The following AXL variants were observed in gnomAD, a reference collection of about 807,000 sequenced individuals.
AXL encodes the protein AXL receptor tyrosine kinase, also known as tyrosine-protein kinase receptor UFO.
Under a neutral mutation model 104.5 loss-of-function variants are expected in AXL, and 52 were observed. The observed-to-expected ratio is 0.50, with a 90% CI of 0.40 to 0.63. The LOEUF (loss-of-function observed/expected upper bound fraction) is 0.63. Among genes scored for constraint, AXL ranks in the 20% least tolerant of loss-of-function variants. The pLI is 0.00. For synonymous variants in AXL, 455 were observed against 473.7 expected (o/e 0.96, Z 0.51); for missense variants, 1,024 against 1,188.5 (o/e 0.86, Z 2.04).
chr19:41,241,174 C>G (rs941256820), intron 10 of AXL, among the ~76,000 whole-genome samples: 1 of 152,168 alleles, frequency 6.6e-6, no homozygotes, highest in African/African-American at 2.4e-5. Flanking sequence ...CCAACTTTTC[C>G]AGCAGCCATC....
At chr19:41,224,173 C>G (rs2033839974) in intron 4 of AXL, among the ~76,000 whole-genome samples, 1 of 151,878 alleles carries the variant, frequency 6.6e-6, no homozygotes. Context: ...GTGTTCACAG[C>G]TGGGACTCAC....
chr19:41,252,751 T>C, intron 15 of AXL, 95 bp from the exon 16 acceptor site: 1 of 1,577,474 alleles, frequency 6.3e-7, no homozygotes, highest in Non-Finnish European at 8.6e-7. Context: ...CCAGATTGGA[T>C]GGGTAGTGAG....
chr19:41,222,348 C>T (rs1160961266), intron 4 of AXL, among the ~76,000 whole-genome samples: 1 of 152,118 alleles, frequency 6.6e-6, no homozygotes, highest in Non-Finnish European at 1.5e-5. Flanking sequence ...CTCCATTCAC[C>T]CCGGCCTCTC....
chr19:41,256,717 G>A, intron 18 of AXL, 106 bp downstream of exon 18: 1 of 1,457,854 alleles, frequency 6.9e-7, no homozygotes, highest in Non-Finnish European at 9.4e-7. Flanking sequence ...GGACATGTGG[G>A]CTTCCCTTTG....
chr19:41,256,740 C>A, intron 18 of AXL, 129 bp downstream of exon 18: 1 of 1,278,288 alleles, frequency 7.8e-7, no homozygotes, highest in East Asian at 2.5e-5. Flanking sequence ...GGGGCTTGTC[C>A]ACATGGGCTG....
chr19:41,228,049 G>A (rs2033913742), intron 4 of AXL, among the ~76,000 whole-genome samples: 2 of 152,156 alleles, frequency 1.3e-5, no homozygotes, highest in Admixed American at 1.3e-4. Context: ...TAGACCAAGT[G>A]TAACTGAAAC....
intron 4 of AXL, among the ~76,000 whole-genome samples, chr19:41,228,281 G>A (rs1371529079): frequency 2.0e-5 from 3 of 152,072 alleles, no homozygotes; most frequent in South Asian, 2.1e-4. Context: ...GGCCGGGCAC[G>A]GTGGCTCACA....
In AXL at chr19:41,231,152, C is replaced by G. The variant is rs754575803; in HGVS notation, c.668-31C>G. 8.7e-6 allele frequency: 14 copies of G among 1,610,500 alleles called. No individual in the cohort carries two copies. In the South Asian group the frequency reaches 1.4e-4, roughly 16 times the overall value. ...GGTAGGGAGCTTTGAGCAAAGGCTCCCCAGGGTCAATCTCTCCCGTTTGTC... is the reference window on the plus strand; with the variant it reads ...GGTAGGGAGCTTTGAGCAAAGGCTCGCCAGGGTCAATCTCTCCCGTTTGTC... On this transcript the variant is annotated intron_variant, in intron 5 of 19. Coordinates refer to ENST00000301178, the MANE Select transcript of AXL (RefSeq NM_021913.5).
intron 12 of AXL, among the ~76,000 whole-genome samples, chr19:41,247,895 T>TTTTTATTTTATTTTATTTTA (rs145835287): frequency 6.9e-6 from 1 of 145,910 alleles, no homozygotes; most frequent in Non-Finnish European, 1.5e-5. Context: ...AAAAGAAATA[T>TTTTTATTTTATTTTATTTTA]TTTTATTTTA....
intron 4 of AXL, among the ~76,000 whole-genome samples, chr19:41,226,295 G>T (rs1221074739): frequency 1.3e-5 from 2 of 152,156 alleles, no homozygotes; most frequent in African/African-American, 4.8e-5. Flanking sequence ...GCTCCCGCGC[G>T]CTGACCCTGG....
At chr19:41,229,412 G>T (rs769538698) in intron 4 of AXL, among the ~76,000 whole-genome samples, 139 of 151,874 alleles carry the variant, frequency 9.2e-4, no homozygotes, top group Non-Finnish European at 1.2e-3. Context: ...CTACAGGTGT[G>T]CACCACCACA....
At chr19:41,251,914 C>T (rs1011737596) in intron 14 of AXL, among the ~76,000 whole-genome samples, 1 of 151,208 alleles carries the variant, frequency 6.6e-6, no homozygotes. Flanking sequence ...GAGATCGAAA[C>T]CATCCTGGCT....
At chr19:41,258,644 G>A (rs562029335) in intron 19 of AXL, among the ~76,000 whole-genome samples, 9 of 152,176 alleles carry the variant, frequency 5.9e-5, no homozygotes, top group East Asian at 1.9e-4. Flanking sequence ...TCTTGATATC[G>A]TGACCTCATG....
chr19:41,241,607 A>T (rs1194351999), intron 10 of AXL, among the ~76,000 whole-genome samples: 1 of 151,766 alleles, frequency 6.6e-6, no homozygotes, highest in Non-Finnish European at 1.5e-5. Flanking sequence ...AAAGAAAAAA[A>T]AATTAGCCAG....
chr19:41,257,223 T>C (rs1270818761), intron 18 of AXL, among the ~76,000 whole-genome samples: 1 of 152,038 alleles, frequency 6.6e-6, no homozygotes, highest in Non-Finnish European at 1.5e-5. Flanking sequence ...TTTGTATTTT[T>C]AGTAGAGACG....
chr19:41,220,348 G>A (rs1032409040), intron 1 of AXL: 17 of 372,232 alleles, frequency 4.6e-5, no homozygotes, highest in South Asian at 1.2e-4. Context: ...AAGAGAGGAC[G>A]GAGGGGGCAG....
chr19:41,231,100 C>G, intron 5 of AXL, 53 bp downstream of exon 5: 4 of 1,610,502 alleles, frequency 2.5e-6, no homozygotes, highest in Non-Finnish European at 3.4e-6. Flanking sequence ...GGTTTGGGTC[C>G]GGGGTCAGAG....
intron 4 of AXL, among the ~76,000 whole-genome samples, chr19:41,225,473 G>C (rs1599726273): frequency 3.3e-5 from 5 of 152,150 alleles, no homozygotes; most frequent in Admixed American, 3.3e-4. Context: ...GTATCTATCT[G>C]TCCACCTCAA....
intron 6 of AXL, 26 bp downstream of exon 6, chr19:41,231,324 T>G (rs2033985311): frequency 6.3e-7 from 1 of 1,590,380 alleles, no homozygotes; most frequent in Non-Finnish European, 8.6e-7. Context: ...TTGGTTCATT[T>G]CAGTCTCAGG....
Sources: allele counts gnomAD v4.1 joint callset (sites outside exome capture counted in the v4.1 genomes callset), GRCh38; gene constraint gnomAD v4.1.1; transcripts MANE v1.5; gene names NCBI Gene and HGNC (gene_info 2026-07-23, HGNC 2026-07-21).